Variants in LDB3 observed in about 807,000 individuals in gnomAD.
The protein encoded by LDB3 is LIM domain binding 3.
Under a neutral mutation model 69.0 loss-of-function variants are expected in LDB3, and 49 were observed. That is an observed-to-expected ratio of 0.71 (90% CI 0.56 to 0.90). The LOEUF (loss-of-function observed/expected upper bound fraction) is 0.90, where lower values mean the gene tolerates loss of function less well. LDB3 is among the 40% of genes least tolerant of loss of function. The pLI, the probability that LDB3 is intolerant of heterozygous loss-of-function variation, is 0.00. For missense variants in LDB3, 928 were observed against 974.1 expected, an observed-to-expected ratio of 0.95 and a Z score of 0.63; for synonymous variants, 387 against 396.2, an observed-to-expected ratio of 0.98 and a Z score of 0.28.
chr10:86,679,309 G>C (rs886079270), intron 2 of LDB3, 58 bp from the exon 3 acceptor site: 1 of 1,604,816 alleles, frequency 6.2e-7, no homozygotes, highest in African/African-American at 1.3e-5. Flanking sequence ...CCCAAGGACT[G>C]GCCTTTCCTC....
intron 13 of LDB3, among the ~76,000 whole-genome samples, chr10:86,729,406 C>T (rs1391922085): frequency 6.6e-6 from 1 of 152,204 alleles, no homozygotes; most frequent in African/African-American, 2.4e-5. Context: ...TCTTACCCAT[C>T]CCTCTTTTGC....
chr10:86,705,162 C>T (rs1046065802), intron 7 of LDB3, among the ~76,000 whole-genome samples: 3 of 152,162 alleles, frequency 2.0e-5, no homozygotes, highest in Non-Finnish European at 4.4e-5. Context: ...CCATGAGGTA[C>T]CGGTTAAGGA....
chr10:86,680,239 C>G, intron 4 of LDB3, 82 bp downstream of exon 4: 1 of 1,270,744 alleles, frequency 7.9e-7, no homozygotes, highest in Non-Finnish European at 1.1e-6. Context: ...TGGTCTTTGG[C>G]TGGCCCAACT....
intron 7 of LDB3, among the ~76,000 whole-genome samples, chr10:86,697,679 G>A (rs11202130): frequency 0.02 from 2,973 of 146,906 alleles, 101 homozygotes; most frequent in African/African-American, 0.071. Context: ...TCAGCCTCCC[G>A]AGTAGCTGGG....
rs369419493 is a variant in LDB3, at chr10:86,691,948, G to A, written c.742G>A (p.Ala248Thr). Reference protein sequence around the residue: ...AVDSASPVYQAVIKSQNKPED... With the variant: ...AVDSASPVYQTVIKSQNKPED... ...AGACAGCGCCTCTCCCGTCTACCAG[G>A]CTGTGATTAAGAGCCAGAACAAGCC... Residue 248 changes from alanine (A) to threonine (T), a missense_variant, in exon 6 of 14, where the codon GCT (alanine) becomes ACT (threonine). Coordinates refer to ENST00000361373, the MANE Select transcript of LDB3 (RefSeq NM_007078.3). 12 of 1,614,064 alleles carry A rather than the reference G, an allele frequency of 7.4e-6. No individual in the cohort carries two copies. Among genetic ancestry groups the A allele is most frequent in the Middle Eastern group, 1.6e-4 (1 of 6,084 alleles).
At chr10:86,687,595 C>G (rs1845554135) in intron 5 of LDB3, among the ~76,000 whole-genome samples, 1 of 152,214 alleles carries the variant, frequency 6.6e-6, no homozygotes, top group African/African-American at 2.4e-5. Context: ...AACAAGGGGA[C>G]CATTCTGGAG....
chr10:86,685,893 T>C (rs917762531), intron 5 of LDB3, among the ~76,000 whole-genome samples: 2 of 151,200 alleles, frequency 1.3e-5, no homozygotes, highest in Admixed American at 1.3e-4. Context: ...GGGGTGGGAG[T>C]GGGGGCTCCA....
At chr10:86,684,155 GC>G (rs1845320444) in intron 5 of LDB3, among the ~76,000 whole-genome samples, 1 of 152,238 alleles carries the variant, frequency 6.6e-6, no homozygotes, top group African/African-American at 2.4e-5. Context: ...CATCCCAGCA[GC>G]CCCCTTCTTC....
At chr10:86,698,305 T>C (rs1846093575) in intron 7 of LDB3, among the ~76,000 whole-genome samples, 1 of 152,256 alleles carries the variant, frequency 6.6e-6, no homozygotes, top group South Asian at 2.1e-4. Context: ...AAGCATCTCA[T>C]AGTATGGACT....
intron 13 of LDB3, 103 bp downstream of exon 13, chr10:86,726,355 G>T (rs2132503904): frequency 1.2e-6 from 1 of 826,016 alleles, no homozygotes; most frequent in South Asian, 1.4e-5. Flanking sequence ...CTAGCTTTCT[G>T]ACATCCTGAT....
chr10:86,670,548 A>T (rs1271383366), intron 2 of LDB3, among the ~76,000 whole-genome samples: 1 of 152,130 alleles, frequency 6.6e-6, no homozygotes, highest in Non-Finnish European at 1.5e-5. Context: ...GGCACTCAGG[A>T]TAGCCAATGA....
At chr10:86,694,763 TG>T (rs1281565270) in intron 7 of LDB3, among the ~76,000 whole-genome samples, 4 of 152,176 alleles carry the variant, frequency 2.6e-5, no homozygotes, top group Admixed American at 6.5e-5. Flanking sequence ...TGGTCATGAC[TG>T]GGGCCCCAGG....
chr10:86,702,536 C>T (rs1223020823), intron 7 of LDB3, among the ~76,000 whole-genome samples: 1 of 152,206 alleles, frequency 6.6e-6, no homozygotes, highest in African/African-American at 2.4e-5. Flanking sequence ...CGCCAACCCC[C>T]CATGGAGCCA....
At chr10:86,670,368 G>A (rs1363005079) in intron 2 of LDB3, among the ~76,000 whole-genome samples, 1 of 152,140 alleles carries the variant, frequency 6.6e-6, no homozygotes, top group Non-Finnish European at 1.5e-5. Flanking sequence ...CCCCATGCTT[G>A]CAGGACTCCT....
intron 11 of LDB3, 34 bp downstream of exon 11, chr10:86,718,178 G>A (rs1434250014): frequency 1.3e-6 from 2 of 1,598,886 alleles, no homozygotes; most frequent in Non-Finnish European, 1.7e-6. Context: ...TCTGACCCAT[G>A]TCTCTTCCCC....
chr10:86,732,704 A>G (rs1325184779), intron 13 of LDB3, 183 bp from the exon 14 acceptor site: 2 of 593,590 alleles, frequency 3.4e-6, no homozygotes, highest in East Asian at 6.6e-5. Flanking sequence ...GAGTTTCGCC[A>G]TGTTGGCCAG....
chr10:86,701,531 G>A (rs1420848291), intron 7 of LDB3, among the ~76,000 whole-genome samples: 1 of 152,222 alleles, frequency 6.6e-6, no homozygotes, highest in African/African-American at 2.4e-5. Flanking sequence ...TCCGGTGTCT[G>A]TGGGCATTTG....
At chr10:86,731,944 GTGGTA>G (rs1297063521) in intron 13 of LDB3, among the ~76,000 whole-genome samples, 21 of 150,358 alleles carry the variant, frequency 1.4e-4, no homozygotes, top group Admixed American at 1.4e-3. Context: ...TATGTGTCTA[GTGGTA>G]TCTCAGGGCA....
chr10:86,672,333 C>T (rs1394685226), intron 2 of LDB3, among the ~76,000 whole-genome samples: 1 of 152,186 alleles, frequency 6.6e-6, no homozygotes, highest in African/African-American at 2.4e-5. Flanking sequence ...TCACCTGGAG[C>T]ACCAGCTCAG....
Sources: gnomAD v4.1 joint callset for allele counts (sites outside exome capture counted in the v4.1 genomes callset) on GRCh38, gnomAD v4.1.1 for gene constraint, MANE v1.5 for transcripts, NCBI Gene and HGNC (gene_info 2026-07-23, HGNC 2026-07-21) for gene names.